The following ATG101 variants were observed in gnomAD, a reference collection of about 807,000 sequenced individuals.
The protein encoded by ATG101 is autophagy-related protein 101.
ATG101 carries 6 observed loss-of-function variants against 16.7 expected under a neutral mutation model. The observed-to-expected ratio is 0.36, with a 90% CI of 0.20 to 0.71. ATG101 has a LOEUF of 0.71. Ranked by LOEUF, ATG101 falls within the 30% of genes least tolerant of loss-of-function variation. ATG101 has a pLI of 0.57. For missense variants in ATG101, 200 were observed against 292.5 expected, an observed-to-expected ratio of 0.68 and a Z score of 2.31; for synonymous variants, 108 against 118.1, an observed-to-expected ratio of 0.91 and a Z score of 0.56.
rs150236069 is a variant in ATG101, at chr12:52,073,570, T to G, written c.-76-5T>G. On this transcript the variant is annotated splice_region_variant and splice_polypyrimidine_tract_variant and intron_variant, in intron 2 of 3. Transcript: ENST00000336854. ...TCAGCATTCTGACCTGGGCTCCTTT[T>G]GCAGGGTGGCCCTTGGGTAGGGTGA... is the stretch of plus-strand genomic sequence containing the variant. 612 of 1,533,420 alleles carry G rather than the reference T, an allele frequency of 4.0e-4. 6 individuals are homozygous for G. In the East Asian group the frequency reaches 0.013, roughly 33 times the overall value. The allele number at this position is 1,533,420 out of a possible 1,614,324, so 95.0% of individuals were successfully genotyped here.
chr12:52,071,570 A>C (rs1353236660), intron 2 of ATG101: 2 of 152,216 alleles, frequency 1.3e-5, no homozygotes, highest in Non-Finnish European at 2.9e-5. Context: ...TAATCCCAGC[A>C]CTTTGGGAGG....
chr12:52,077,192 C>T lies in ATG101; in HGVS notation c.*2C>T, dbSNP rs377536184. The T allele has an allele frequency of 1.8e-5, 29 of 1,610,156 alleles. No individual in the cohort carries two copies. Among genetic ancestry groups the T allele is most frequent in the East Asian group, 8.9e-5 (4 of 44,768 alleles). On this transcript the variant is annotated 3_prime_UTR_variant, in exon 4 of 4. Transcript: ENST00000336854. ...ATCAAAGACACCCTTGCCCTCTGAG[C>T]GTCGCTGGATCTCTGGGAGCTCCTT...
upstream of ATG101, among the ~76,000 whole-genome samples, chr12:52,065,955 A>G (rs1309109728): frequency 6.6e-6 from 1 of 152,150 alleles, no homozygotes; most frequent in African/African-American, 2.4e-5. Context: ...TCAGCTCACC[A>G]CAATCGCCGC....
upstream of ATG101, among the ~76,000 whole-genome samples, chr12:52,067,690 C>T (rs1484221460): frequency 6.6e-6 from 1 of 151,568 alleles, no homozygotes; most frequent in Non-Finnish European, 1.5e-5. Context: ...CCGGTTCAAG[C>T]GATTCTCCTG....
chr12:52,066,140 G>C (rs985575542), upstream of ATG101, among the ~76,000 whole-genome samples: 2 of 152,174 alleles, frequency 1.3e-5, no homozygotes, highest in Non-Finnish European at 2.9e-5. Flanking sequence ...GCCCCCCAAA[G>C]TGTTGGGATT....
chr12:52,076,003 TA>T (rs1036538144), intron 3 of ATG101, among the ~76,000 whole-genome samples: 1 of 151,646 alleles, frequency 6.6e-6, no homozygotes, highest in Admixed American at 6.6e-5. Context: ...CTTAACAAAA[TA>T]AAAAAAATTA....
intron 2 of ATG101, among the ~76,000 whole-genome samples, chr12:52,073,239 A>G (rs1353470505): frequency 6.6e-6 from 1 of 152,144 alleles, no homozygotes; most frequent in Non-Finnish European, 1.5e-5. Context: ...CCGTGGTGAT[A>G]ATGTTTAGTT....
rs376715731 is a variant in ATG101, at chr12:52,073,646, G to T, written c.-5G>T. 16 of 1,611,982 alleles carry T rather than the reference G, an allele frequency of 9.9e-6. No homozygotes were observed. In the South Asian group the frequency reaches 1.4e-4, roughly 14 times the overall value. On this transcript the variant is annotated 5_prime_UTR_variant, in exon 3 of 4. Coordinates refer to ENST00000336854, the MANE Select transcript of ATG101 (RefSeq NM_021934.5). ...CACACCTTGGTGTGGGTTACTGGGT[G>T]CAGGATGAACTGTCGCTCGGAGGTG...
In ATG101 at chr12:52,076,895, T is replaced by C; in HGVS notation, c.362T>C (p.Val121Ala). ...PFSDECIPWE[V>A]WTVKVHVVAL... ...TCAGACGAGTGCATCCCATGGGAAG[T>C]GTGGACGGTCAAGGTGCATGTGGTA... The change falls in exon 4 of 4, where the codon GTG (valine) becomes GCG (alanine). Residue 121 changes from valine to alanine, a missense_variant. Val to Ala is a moderately conservative substitution (Grantham distance 64). Transcript: ENST00000336854. 1 of 1,614,116 alleles carries C rather than the reference T, an allele frequency of 6.2e-7. No homozygotes were observed. The highest frequency in any genetic ancestry group is 8.5e-7 in the Non-Finnish European group (1 of 1,180,024).
At chr12:52,066,169 A>G (rs113087810), upstream of ATG101, among the ~76,000 whole-genome samples, 10,380 of 152,038 alleles carry the variant, frequency 0.068, 452 homozygotes, top group African/African-American at 0.13. Context: ...GAGCCACCAC[A>G]CCCGGCCGAG....
chr12:52,075,989 G>A (rs1240143342), intron 3 of ATG101, among the ~76,000 whole-genome samples: 3 of 151,824 alleles, frequency 2.0e-5, no homozygotes, highest in Admixed American at 1.3e-4. Flanking sequence ...ACAATACCCC[G>A]TCTCTTAACA....
chr12:52,069,034 A>G (rs1317889970), upstream of ATG101, among the ~76,000 whole-genome samples: 1 of 136,246 alleles, frequency 7.3e-6, no homozygotes, highest in African/African-American at 2.8e-5. Flanking sequence ...ACTGCCTCCT[A>G]TTGGAGGTGG....
At chr12:52,073,309 T>C (rs1939679033) in intron 2 of ATG101, among the ~76,000 whole-genome samples, 1 of 152,254 alleles carries the variant, frequency 6.6e-6, no homozygotes, top group Non-Finnish European at 1.5e-5. Flanking sequence ...CTTTGATGTC[T>C]AGTACCTGAC....
intron 3 of ATG101, among the ~76,000 whole-genome samples, 155 bp from the exon 4 acceptor site, chr12:52,076,631 G>C (rs759406618): frequency 6.6e-6 from 1 of 152,198 alleles, no homozygotes; most frequent in Non-Finnish European, 1.5e-5. Flanking sequence ...GTGTCACTAA[G>C]CCCAAATCGT....
chr12:52,077,169 CA>C lies in ATG101; in HGVS notation c.639del (p.Asp214ThrfsTer41). The C allele has an allele frequency of 1.2e-6, 2 of 1,613,614 alleles. No individual in the cohort carries two copies. Among genetic ancestry groups the C allele is most frequent in the Non-Finnish European group, 1.7e-6 (2 of 1,179,586 alleles). On this transcript the variant is annotated frameshift_variant, in exon 4 of 4. Transcript: ENST00000336854. LOFTEE classifies it high-confidence loss of function. ...SVTTTMRRLI[K>X]DTLAL ...TCACCACCACCATGCGCAGGCTCATCAAAGACACCCTTGCCCTCTGAGCGTC... is the reference window on the plus strand; with the variant it reads ...TCACCACCACCATGCGCAGGCTCATCAAGACACCCTTGCCCTCTGAGCGTC...
chr12:52,068,913 C>A (rs1939584431), upstream of ATG101, among the ~76,000 whole-genome samples: 1 of 144,010 alleles, frequency 6.9e-6, no homozygotes, highest in South Asian at 2.2e-4. Context: ...ATGACGTGAA[C>A]CCAGGAGGCG....
At chr12:52,076,544 C>G (rs1939733407) in intron 3 of ATG101, among the ~76,000 whole-genome samples, 1 of 152,198 alleles carries the variant, frequency 6.6e-6, no homozygotes, top group African/African-American at 2.4e-5. Flanking sequence ...AGTTCTTCAC[C>G]AAGCTGGAGG....
rs937674171 is a variant in ATG101 at position 52,073,916 on chromosome 12, G to C, written c.252+14G>C. 2.0e-6 allele frequency: 3 copies of C among 1,478,600 alleles called. No individual in the cohort carries two copies. Among genetic ancestry groups the C allele is most frequent in the Non-Finnish European group, 2.8e-6 (3 of 1,081,746 alleles). 91.6% of individuals were successfully genotyped at this position (1,478,600 alleles called of 1,614,324 possible). Reference sequence around the variant, plus strand: ...GGGGAGTTCAAGGTAAGGGTGTCGGGGAGTTCAAGGTAAGGGTGTGGCATA... The same window carrying C: ...GGGGAGTTCAAGGTAAGGGTGTCGGCGAGTTCAAGGTAAGGGTGTGGCATA... On this transcript the variant is annotated intron_variant, in intron 3 of 3. Coordinates refer to ENST00000336854, the MANE Select transcript of ATG101 (RefSeq NM_021934.5).
At chr12:52,072,059 A>C (rs1455584105) in intron 2 of ATG101, among the ~76,000 whole-genome samples, 1 of 152,236 alleles carries the variant, frequency 6.6e-6, no homozygotes, top group Non-Finnish European at 1.5e-5. Context: ...ATCTCTTGGC[A>C]GTAACAATGT....
Sources: allele counts gnomAD v4.1 joint callset (sites outside exome capture counted in the v4.1 genomes callset), GRCh38; gene constraint gnomAD v4.1.1; transcripts MANE v1.5; gene names NCBI Gene and HGNC (gene_info 2026-07-23, HGNC 2026-07-21).